NOS1AP: variants seen among roughly 807,000 people sequenced by gnomAD.
NOS1AP encodes the protein nitric oxide synthase 1 adaptor protein.
Under a neutral mutation model 56.2 loss-of-function variants are expected in NOS1AP, and 21 were observed. The observed-to-expected ratio is 0.37, with a 90% CI of 0.26 to 0.54. The LOEUF (loss-of-function observed/expected upper bound fraction) is 0.54, where lower values mean the gene tolerates loss of function less well. NOS1AP is among the 20% of genes least tolerant of loss of function. NOS1AP has a pLI of 0.84. For missense variants in NOS1AP, 522 were observed against 657.8 expected (o/e 0.79, Z 2.26); for synonymous variants, 270 against 274.6 (o/e 0.98, Z 0.17).
chr1:162,198,088 G>A (rs1008073878), intron 2 of NOS1AP, among the ~76,000 whole-genome samples: 1 of 152,234 alleles, frequency 6.6e-6, no homozygotes, highest in South Asian at 2.1e-4. Context: ...GGTTTGACCT[G>A]GAAGGCGTTC....
chr1:162,214,908 G>A (rs1247450854), intron 2 of NOS1AP, among the ~76,000 whole-genome samples: 2 of 152,024 alleles, frequency 1.3e-5, no homozygotes, highest in South Asian at 2.1e-4. Context: ...ATTTACCATC[G>A]TTATTAATGA....
rs746003989 is a variant in NOS1AP, at chr1:162,365,093, C to CGT, written c.940-299_940-298dup. 472 of 1,222,188 alleles carry CGT rather than the reference C, an allele frequency of 3.9e-4. 1 individual carries two copies. The highest frequency in any genetic ancestry group is 6.5e-4 in the South Asian group (37 of 56,976). The allele number at this position is 1,222,188 out of a possible 1,614,324, so 75.7% of individuals were successfully genotyped here. A position where few individuals can be genotyped will look rare whatever the true frequency, so the allele number is the denominator to read the frequency against. On this transcript the variant is annotated intron_variant, in intron 8 of 9. Coordinates refer to ENST00000361897, the MANE Select transcript of NOS1AP (RefSeq NM_014697.3). The stretch of plus-strand genomic sequence containing the variant: ...GTGTATATGTGCACGTGTGTGTGTA[C>CGT]GTGTGTGTGTGTGGCAGGTCTAGAG...
At chr1:162,329,142 G>T (rs1267258844) in intron 4 of NOS1AP, among the ~76,000 whole-genome samples, 1 of 152,154 alleles carries the variant, frequency 6.6e-6, no homozygotes, top group East Asian at 1.9e-4. Flanking sequence ...GACATATGAT[G>T]AATCTGCAGA....
At chr1:162,203,265 C>T (rs556011067) in intron 2 of NOS1AP, among the ~76,000 whole-genome samples, 26 of 152,108 alleles carry the variant, frequency 1.7e-4, no homozygotes, top group Non-Finnish European at 3.4e-4. Flanking sequence ...TATGCTTGTC[C>T]GTCTGTCTGT....
chr1:162,357,219 GT>G, intron 8 of NOS1AP, 83 bp downstream of exon 8: 2 of 1,547,642 alleles, frequency 1.3e-6, no homozygotes, highest in Non-Finnish European at 1.7e-6. Context: ...CTCAGGGCAG[GT>G]TTAAAATCTA....
intron 2 of NOS1AP, among the ~76,000 whole-genome samples, chr1:162,250,866 C>T (rs1321222948): frequency 2.0e-5 from 3 of 152,132 alleles, no homozygotes; most frequent in Non-Finnish European, 4.4e-5. Context: ...TTTTCTTGAG[C>T]TTTTGTAACC....
intron 1 of NOS1AP, among the ~76,000 whole-genome samples, chr1:162,152,994 C>T (rs1649780885): frequency 6.6e-6 from 1 of 152,030 alleles, no homozygotes; most frequent in Non-Finnish European, 1.5e-5. Flanking sequence ...AAGGCAAGTC[C>T]CAATGAATCA....
In NOS1AP at chr1:162,223,547, G is replaced by A. The variant is rs1187115316; in HGVS notation, c.178-63797G>A. On this transcript the variant is annotated intron_variant, in intron 2 of 9. Transcript: ENST00000361897. Reference sequence around the variant, plus strand: ...GAGGTTGGGGCTCCAAGGTCAAGACGTAGAAAAAGCTTTAAGAAATCTGAG... The same window carrying A: ...GAGGTTGGGGCTCCAAGGTCAAGACATAGAAAAAGCTTTAAGAAATCTGAG... Among the ~76,000 whole-genome samples, 6 of 152,112 alleles carry A rather than the reference G, an allele frequency of 3.9e-5. No individual in the cohort carries two copies. The East Asian group carries it at 5.8e-4, about 15-fold the overall frequency.
chr1:162,102,426 GC>G (rs1397055566), intron 1 of NOS1AP, among the ~76,000 whole-genome samples: 2 of 152,096 alleles, frequency 1.3e-5, no homozygotes, highest in Non-Finnish European at 2.9e-5. Flanking sequence ...TTGTATCTCT[GC>G]CAGGTTTTGG....
rs560238021 is a variant in NOS1AP at position 162,156,907 on chromosome 1, C to T, written c.177+2431C>T. Among the ~76,000 whole-genome samples, 37 of 152,208 alleles carry T rather than the reference C, an allele frequency of 2.4e-4. 2 individuals are homozygous for T. Among genetic ancestry groups the T allele is most frequent in the African/African-American group, 8.4e-4 (35 of 41,524 alleles). On this transcript the variant is annotated intron_variant, in intron 2 of 9. Coordinates refer to ENST00000361897, the MANE Select transcript of NOS1AP (RefSeq NM_014697.3). ...AAGAGTTGGGATTCATATTCAGGAC[C>T]GTGCTGGCCCATTTGTAATCCTGCT...
intron 4 of NOS1AP, among the ~76,000 whole-genome samples, chr1:162,329,209 G>A (rs906180966): frequency 2.0e-5 from 3 of 152,154 alleles, no homozygotes; most frequent in Non-Finnish European, 4.4e-5. Flanking sequence ...AAATTATAAT[G>A]CTATACATAT....
At chr1:162,128,195 G>A (rs968375923) in intron 1 of NOS1AP, among the ~76,000 whole-genome samples, 2 of 151,722 alleles carry the variant, frequency 1.3e-5, no homozygotes, top group Admixed American at 1.3e-4. Flanking sequence ...CTAATATGCA[G>A]CATAAGGTAA....
At chr1:162,261,404 T>C (rs1654206809) in intron 2 of NOS1AP, among the ~76,000 whole-genome samples, 1 of 128,406 alleles carries the variant, frequency 7.8e-6, no homozygotes, top group Non-Finnish European at 1.6e-5. Context: ...GAGATTACCC[T>C]GCATTATCCA....
At chr1:162,241,190 C>T (rs1477031332) in intron 2 of NOS1AP, among the ~76,000 whole-genome samples, 1 of 152,112 alleles carries the variant, frequency 6.6e-6, no homozygotes, top group African/African-American at 2.4e-5. Context: ...GAAAGATGAC[C>T]AAGAATTAGC....
chr1:162,094,419 ACTC>A (rs556062783), intron 1 of NOS1AP, among the ~76,000 whole-genome samples: 2 of 151,832 alleles, frequency 1.3e-5, no homozygotes, highest in African/African-American at 2.4e-5. Flanking sequence ...GACTCAGTAA[ACTC>A]CTGCTTGATT....
At chr1:162,157,242 T>G (rs1650011627) in intron 2 of NOS1AP, 1 of 153,446 alleles carries the variant, frequency 6.5e-6, no homozygotes, top group Admixed American at 6.5e-5. Context: ...TTCCAGTGCT[T>G]AATGAGCAGC....
chr1:162,079,850 A>G (rs1045161851), intron 1 of NOS1AP, among the ~76,000 whole-genome samples: 5 of 152,210 alleles, frequency 3.3e-5, no homozygotes, highest in Non-Finnish European at 5.9e-5. Flanking sequence ...TAAAAAATCT[A>G]GCTGCAGCTA....
chr1:162,311,162 A>G (rs1656014029), intron 4 of NOS1AP, among the ~76,000 whole-genome samples: 1 of 152,052 alleles, frequency 6.6e-6, no homozygotes, highest in African/African-American at 2.4e-5. Flanking sequence ...CTTACTTCAC[A>G]GAAATGGCTC....
chr1:162,275,339 G>A (rs1654703044), intron 2 of NOS1AP, among the ~76,000 whole-genome samples: 3 of 151,958 alleles, frequency 2.0e-5, no homozygotes, highest in African/African-American at 4.8e-5. Flanking sequence ...CATCACACCC[G>A]GCTAATTTTT....
Sources: gnomAD v4.1 joint callset for allele counts (sites outside exome capture counted in the v4.1 genomes callset) on GRCh38, gnomAD v4.1.1 for gene constraint, MANE v1.5 for transcripts, NCBI Gene and HGNC (gene_info 2026-07-23, HGNC 2026-07-21) for gene names.